BCLAF1: variants seen among roughly 807,000 people sequenced by gnomAD.
The protein encoded by BCLAF1 is BCL2 associated transcription factor 1, also known as bcl-2-associated transcription factor 1.
In BCLAF1, 10 loss-of-function variants were observed where a neutral mutation model predicts 99.5. The observed-to-expected ratio is 0.10, with a 90% CI of 0.06 to 0.17. The LOEUF is 0.17. Among genes scored for constraint, BCLAF1 ranks in the 10% least tolerant of loss-of-function variants. BCLAF1 has a pLI of 1.00. For missense variants in BCLAF1, 636 were observed against 1,105.8 expected (o/e 0.58, Z 6.02); for synonymous variants, 255 against 370.9 (o/e 0.69, Z 3.59).
At position 136,278,594 on chromosome 6, in the gene BCLAF1, A is replaced by G. The variant is rs772368460; in HGVS notation, c.287T>C (p.Val96Ala). The change falls in exon 4 of 13, where the codon GTC (valine) becomes GCC (alanine). Residue 96 changes from valine to alanine, a missense_variant. By Grantham distance (64) the Val-to-Ala change is moderately conservative (BLOSUM62 0). Coordinates refer to ENST00000531224, the MANE Select transcript of BCLAF1 (RefSeq NM_014739.3). ...GRYHRGGYRP[V>A]WNRRHSRSPR... ...ACTCCTAGAGTGCCTTCTATTCCAG[A>G]CAGGTCTATAACCACCTCGATGATA... The G allele has an allele frequency of 2.5e-6, 4 of 1,607,530 alleles. No individual in the cohort carries two copies. The East Asian group carries it at 8.9e-5, about 36-fold the overall frequency.
chr6:136,272,516 G>A (rs1044425420), intron 7 of BCLAF1, among the ~76,000 whole-genome samples: 1 of 151,836 alleles, frequency 6.6e-6, no homozygotes, highest in African/African-American at 2.4e-5. Context: ...TGCTTCTTTA[G>A]CAGTCATCAC....
At chr6:136,280,170 G>A (rs1784180620) in intron 2 of BCLAF1, among the ~76,000 whole-genome samples, 1 of 152,148 alleles carries the variant, frequency 6.6e-6, no homozygotes, top group African/African-American at 2.4e-5. Context: ...AAAAAGCAAT[G>A]AGACTGCAGC....
chr6:136,268,131 C>G (rs774936190), intron 10 of BCLAF1, 31 bp downstream of exon 10: 12 of 1,502,986 alleles, frequency 8.0e-6, no homozygotes, highest in Non-Finnish European at 1.1e-5. Flanking sequence ...TAAACTCCTA[C>G]CAAACAATCA....
chr6:136,288,151 C>T (rs907458709), intron 1 of BCLAF1, among the ~76,000 whole-genome samples: 2 of 152,228 alleles, frequency 1.3e-5, no homozygotes, highest in African/African-American at 4.8e-5. Context: ...CCTTTGCCAC[C>T]ATTTTAATTA....
intron 4 of BCLAF1, 50 bp downstream of exon 4, chr6:136,277,815 C>A: frequency 6.5e-7 from 1 of 1,539,878 alleles, no homozygotes; most frequent in Non-Finnish European, 8.7e-7. Flanking sequence ...AAACAGAATT[C>A]AAAGAACAAA....
At chr6:136,280,017 T>A in intron 2 of BCLAF1, 141 bp from the exon 3 acceptor site, 1 of 1,059,578 alleles carries the variant, frequency 9.4e-7, no homozygotes, top group Non-Finnish European at 1.2e-6. Flanking sequence ...AAATCAGTAT[T>A]CAGAAGACAA....
intron 1 of BCLAF1, among the ~76,000 whole-genome samples, chr6:136,284,130 G>GTGTATATATATATATATATATATATA (rs36141174): frequency 8.2e-6 from 1 of 122,118 alleles, no homozygotes; most frequent in African/African-American, 4.1e-5. Flanking sequence ...GTGTGTGTGT[G>GTGTATATATATATATATATATATATA]TATATATATA....
At position 136,258,944 on chromosome 6, in the gene BCLAF1, T is replaced by G. The variant is rs930182846; in HGVS notation, c.*2166A>C. On this transcript the variant is annotated 3_prime_UTR_variant, in exon 13 of 13. Transcript: ENST00000531224. ...CCCTCTCTAGGCAAAACAAAGTATG[T>G]TAACGCAGGTATCAGTGAGTTATTT... The G allele has an allele frequency of 6.6e-6, 1 of 152,492 alleles. No homozygotes were observed. The highest frequency in any genetic ancestry group is 6.5e-5 in the Admixed American group (1 of 15,274). The allele number at this position is 152,492 out of a possible 1,614,324, so 9.4% of individuals were successfully genotyped here.
intron 1 of BCLAF1, among the ~76,000 whole-genome samples, chr6:136,284,130 G>GTGTGTGTGTATATA (rs36141174): frequency 8.2e-5 from 10 of 122,104 alleles, no homozygotes; most frequent in African/African-American, 2.9e-4. Context: ...GTGTGTGTGT[G>GTGTGTGTGTATATA]TATATATATA....
Position 136,258,829 on chromosome 6 carries a change from A to C in BCLAF1, c.*2281T>G, listed in dbSNP as rs1014958302. 6.6e-6 allele frequency: 1 copy of C among 152,530 alleles called. No homozygotes were observed. The highest frequency in any genetic ancestry group is 2.4e-5 in the African/African-American group (1 of 41,452). 9.4% of individuals were successfully genotyped at this position (152,530 alleles called of 1,614,324 possible). A position where few individuals can be genotyped will look rare whatever the true frequency, so the allele number is the denominator to read the frequency against. The stretch of plus-strand genomic sequence containing the variant: ...AGTATAAAAATTCCTAGGATGCTGA[A>C]AGGTACACATACACACCTAAAGAGT... On this transcript the variant is annotated 3_prime_UTR_variant, in exon 13 of 13. Coordinates refer to ENST00000531224, the MANE Select transcript of BCLAF1 (RefSeq NM_014739.3).
rs117605822 is a variant in BCLAF1, at chr6:136,269,894, A to C, written c.2044-282T>G. 4.5e-3 allele frequency: 1,128 copies of C among 249,916 alleles called. 30 individuals carry two copies. In the East Asian group the frequency reaches 0.061, roughly 14 times the overall value. The allele number at this position is 249,916 out of a possible 1,614,324, so 15.5% of individuals were successfully genotyped here. On this transcript the variant is annotated intron_variant, in intron 8 of 12. Transcript: ENST00000531224. Reference sequence around the variant, plus strand: ...TTTTTATCCAAAACAATCTATAATAAATTTTTGTACAGTAAATGATACAAA... The same window carrying C: ...TTTTTATCCAAAACAATCTATAATACATTTTTGTACAGTAAATGATACAAA...
At position 136,259,723 on chromosome 6, in the gene BCLAF1, G is replaced by C. The variant is rs1780743252; in HGVS notation, c.*1387C>G. On this transcript the variant is annotated 3_prime_UTR_variant, in exon 13 of 13. Coordinates refer to ENST00000531224, the MANE Select transcript of BCLAF1 (RefSeq NM_014739.3). Reference sequence around the variant, plus strand: ...GCAAATCCTCGAAAGTGTTTAAGATGAAAGAGCAATACACTTAAGATCTTC... The same window carrying C: ...GCAAATCCTCGAAAGTGTTTAAGATCAAAGAGCAATACACTTAAGATCTTC... 1 of 151,996 alleles carries C rather than the reference G, an allele frequency of 6.6e-6. No homozygotes were observed. 9.4% of individuals were successfully genotyped at this position (151,996 alleles called of 1,614,324 possible). A position where few individuals can be genotyped will look rare whatever the true frequency, so the allele number is the denominator to read the frequency against.
chr6:136,287,266 C>A (rs996673297), intron 1 of BCLAF1, among the ~76,000 whole-genome samples: 3 of 149,828 alleles, frequency 2.0e-5, no homozygotes, highest in African/African-American at 7.4e-5. Flanking sequence ...GCCGAGATGG[C>A]GCCACTGCAC....
intron 10 of BCLAF1, 94 bp downstream of exon 10, chr6:136,268,068 A>C (rs562696241): frequency 8.4e-7 from 1 of 1,185,388 alleles, no homozygotes; most frequent in Non-Finnish European, 1.1e-6. Context: ...AATGACACAC[A>C]TAACAATCTC....
Position 136,268,144 on chromosome 6 carries a change from G to A in BCLAF1, c.2397+18C>T, listed in dbSNP as rs1781981945. ...GATAAACTCCTACCAAACAATCAAA[G>A]ATAATTTTTTCACTTACAAAGGTTC... On this transcript the variant is annotated intron_variant, in intron 10 of 12. Transcript: ENST00000531224. 1.3e-6 allele frequency: 2 copies of A among 1,509,136 alleles called. No individual in the cohort carries two copies. The highest frequency in any genetic ancestry group is 2.3e-5 in the East Asian group (1 of 43,770). 93.5% of individuals were successfully genotyped at this position (1,509,136 alleles called of 1,614,324 possible). A position where few individuals can be genotyped will look rare whatever the true frequency, so the allele number is the denominator to read the frequency against.
chr6:136,282,995 C>T (rs1321975593), intron 1 of BCLAF1, among the ~76,000 whole-genome samples: 1 of 151,610 alleles, frequency 6.6e-6, no homozygotes, highest in African/African-American at 2.4e-5. Flanking sequence ...TCCAACGTAG[C>T]TAACATAATG....
In BCLAF1 at chr6:136,278,796, C is replaced by A; in HGVS notation, c.105-20G>T. On this transcript the variant is annotated intron_variant, in intron 3 of 12. Coordinates refer to ENST00000531224, the MANE Select transcript of BCLAF1 (RefSeq NM_014739.3). ...CTAGAACTAAAAATGAAATAAATAT[C>A]AATGCAAGAAAAATAAAGTATTCCA... The A allele has an allele frequency of 6.8e-7, 1 of 1,477,060 alleles. No individual in the cohort carries two copies. Among genetic ancestry groups the A allele is most frequent in the Non-Finnish European group, 9.0e-7 (1 of 1,115,806 alleles). The allele number at this position is 1,477,060 out of a possible 1,614,324, so 91.5% of individuals were successfully genotyped here. A position where few individuals can be genotyped will look rare whatever the true frequency, so the allele number is the denominator to read the frequency against.
At chr6:136,278,909 CA>C in intron 3 of BCLAF1, 133 bp from the exon 4 acceptor site, 1 of 885,256 alleles carries the variant, frequency 1.1e-6, no homozygotes, top group Non-Finnish European at 1.6e-6. Context: ...CTCATCTGTA[CA>C]AAAGTTAATG....
chr6:136,274,301 T>TA (rs5880289), intron 6 of BCLAF1: 160,176 of 183,782 alleles, frequency 0.87, 68,595 homozygotes, highest in Admixed American at 0.97. Context: ...ACAGTTCTTT[T>TA]AAAAAAAAAA....
Sources: allele counts gnomAD v4.1 joint callset (sites outside exome capture counted in the v4.1 genomes callset), GRCh38; gene constraint gnomAD v4.1.1; transcripts MANE v1.5; gene names NCBI Gene and HGNC (gene_info 2026-07-23, HGNC 2026-07-21).